The following BAP1 variants were observed in gnomAD, a reference collection of about 807,000 sequenced individuals.
The protein encoded by BAP1 is BRCA1 associated deubiquitinase 1, also known as ubiquitin carboxyl-terminal hydrolase BAP1.
Under a neutral mutation model 77.2 loss-of-function variants are expected in BAP1, and 16 were observed. The ratio of observed to expected loss-of-function variants is 0.21; its 90% confidence interval spans 0.14 to 0.31. The LOEUF (loss-of-function observed/expected upper bound fraction) is 0.31, where lower values mean the gene tolerates loss of function less well. BAP1 is among the 10% of genes least tolerant of loss of function. BAP1 has a pLI of 1.00. For synonymous variants in BAP1, 362 were observed against 385.2 expected, an observed-to-expected ratio of 0.94 and a Z score of 0.71; for missense variants, 699 against 967.3, an observed-to-expected ratio of 0.72 and a Z score of 3.68.
At position 52,406,221 on chromosome 3, in the gene BAP1, C is replaced by T. The variant is rs1705152516; in HGVS notation, c.783+32G>A. 4 of 1,612,060 alleles carry T rather than the reference C, an allele frequency of 2.5e-6. No individual in the cohort carries two copies. The highest frequency in any genetic ancestry group is 3.4e-6 in the Non-Finnish European group (4 of 1,178,784). On this transcript the variant is annotated intron_variant, in intron 9 of 16. Coordinates refer to ENST00000460680, the MANE Select transcript of BAP1 (RefSeq NM_004656.4). The surrounding 1 kb of genome is among the most constrained non-coding windows in gnomAD (Gnocchi z 4.6). ...GAGGAGGAATGCAGGGAGGGTTGGG[C>T]TGGGCAGAGGCCAGGAAGAAAGGGC...
chr3:52,409,528 G>C (rs183732845), intron 3 of BAP1, 26 bp downstream of exon 3: 2 of 1,614,052 alleles, frequency 1.2e-6, no homozygotes, highest in Non-Finnish European at 1.7e-6. Context: ...GGGTGTAAGG[G>C]GCAGCCCTGG....
chr3:52,410,004 C>T lies in BAP1; in HGVS notation c.-126G>A. 1.4e-6 allele frequency: 2 copies of T among 1,390,846 alleles called. No homozygotes were observed. Among genetic ancestry groups the T allele is most frequent in the African/African-American group, 1.4e-5 (1 of 69,972 alleles). 86.2% of individuals were successfully genotyped at this position (1,390,846 alleles called of 1,614,324 possible). A position where few individuals can be genotyped will look rare whatever the true frequency, so the allele number is the denominator to read the frequency against. On this transcript the variant is annotated 5_prime_UTR_variant, in exon 1 of 17. Coordinates refer to ENST00000460680, the MANE Select transcript of BAP1 (RefSeq NM_004656.4). ...ACACAGACAACGGGCCCAGTCGCGT[C>T]ACCCGCCCGCGCCGGCGGCAGACGT...
chr3:52,409,135 C>T (rs1705268105), intron 3 of BAP1, among the ~76,000 whole-genome samples: 1 of 152,246 alleles, frequency 6.6e-6, no homozygotes, highest in Admixed American at 6.5e-5. Context: ...TGGGAAAAGA[C>T]TCTAAGTGTG....
rs1301232245 is a variant in BAP1, at chr3:52,402,746, A to G, written c.1983+33T>C. On this transcript the variant is annotated intron_variant, in intron 15 of 16. Coordinates refer to ENST00000460680, the MANE Select transcript of BAP1 (RefSeq NM_004656.4). The surrounding 1 kb of genome is among the most constrained non-coding windows in gnomAD (Gnocchi z 5.3). ...AGCAGCCACCAGTGGACCTCGGGAG[A>G]GGCCAGATCAGGCAACTGGAGAAAT... 3.7e-6 allele frequency: 6 copies of G among 1,614,162 alleles called. No homozygotes were observed. The highest frequency in any genetic ancestry group is 2.2e-5 in the South Asian group (2 of 91,088).
In BAP1 at chr3:52,401,715, C is replaced by A. The variant is rs144145384; in HGVS notation, c.*573G>T. 5 of 239,478 alleles carry A rather than the reference C, an allele frequency of 2.1e-5. No individual in the cohort carries two copies. Among genetic ancestry groups the A allele is most frequent in the African/African-American group, 1.1e-4 (5 of 45,376 alleles). 14.8% of individuals were successfully genotyped at this position (239,478 alleles called of 1,614,324 possible). On this transcript the variant is annotated 3_prime_UTR_variant, in exon 17 of 17. Transcript: ENST00000460680. ...CAGTGCTGGGTCCCTGAGTTTGGCA[C>A]TCTCCTAAGAGGAATGAAGAGAGAA...
chr3:52,402,560 T>TGA lies in BAP1; in HGVS notation c.2056+41_2056+42insTC, dbSNP rs1704995849. 1 of 1,613,306 alleles carries TGA rather than the reference T, an allele frequency of 6.2e-7. No homozygotes were observed. Among genetic ancestry groups the TGA allele is most frequent in the African/African-American group, 1.3e-5 (1 of 74,892 alleles). On this transcript the variant is annotated intron_variant, in intron 16 of 16. Transcript: ENST00000460680. The surrounding 1 kb of genome is among the most constrained non-coding windows in gnomAD (Gnocchi z 5.3). ...GGAGGGGAGCTGAAGGACACGGCCC[T>TGA]CAGCAGGGCATTCCAGTTAAGACAG...
rs1652700058 is a variant in BAP1, at chr3:52,409,868, C to A, written c.11G>T (p.Gly4Val). MNK[G>V]WLELESDPGL... ...TGGGTCGCTCTCCAGCTCCAGCCAG[C>A]CCTTATTCATCTTCCCGCGGGGCGG... The change falls in exon 1 of 17, where the codon GGC becomes GTC. Residue 4 changes from glycine (G) to valine (V), a missense_variant. This residue lies in a region of BAP1 where 160 missense variants were observed against 322.8 expected (regional missense o/e 0.50). Transcript: ENST00000460680. 6.2e-7 allele frequency: 1 copy of A among 1,609,934 alleles called. No individual in the cohort carries two copies. Among genetic ancestry groups the A allele is most frequent in the African/African-American group, 1.3e-5 (1 of 74,934 alleles).
rs1045367753 is a variant in BAP1, at chr3:52,406,986, G to A, written c.581-79C>T. 2.7e-6 allele frequency: 4 copies of A among 1,507,536 alleles called. No homozygotes were observed. The highest frequency in any genetic ancestry group is 3.6e-6 in the Non-Finnish European group (4 of 1,106,022). The allele number at this position is 1,507,536 out of a possible 1,614,324, so 93.4% of individuals were successfully genotyped here. On this transcript the variant is annotated intron_variant, in intron 7 of 16. Coordinates refer to ENST00000460680, the MANE Select transcript of BAP1 (RefSeq NM_004656.4). This position sits in a 1 kb window ranked among gnomAD's most constrained non-coding sequence, Gnocchi z 4.6. Reference sequence around the variant, plus strand: ...GGCCAGGAGTGGGAAGGAAGACAGAGAAGAGCAGTTGAGCCAGGGAATCAG... The same window carrying A: ...GGCCAGGAGTGGGAAGGAAGACAGAAAAGAGCAGTTGAGCCAGGGAATCAG...
In BAP1 at chr3:52,404,486, T is replaced by A. The variant is rs535695655; in HGVS notation, c.1217A>T (p.Glu406Val). The stretch of plus-strand genomic sequence containing the variant: ...AGAGTTGGTGTTCTGCACGTCATCC[T>A]CCTCGTCATCCTCATAGTCATCCTC... ...DDEDDYEDDE[E>V]DDVQNTNSAL... is the part of the protein sequence containing the mutation. Residue 406 changes from glutamate (E) to valine (V), a missense_variant, in exon 12 of 17, where the codon GAG (glutamate) becomes GTG (valine). Coordinates refer to ENST00000460680, the MANE Select transcript of BAP1 (RefSeq NM_004656.4). 1.5e-5 allele frequency: 25 copies of A among 1,614,224 alleles called. No homozygotes were observed. The East Asian group carries it at 3.1e-4, about 20-fold the overall frequency.
At chr3:52,409,644 G>A (rs1705299124) in intron 2 of BAP1, 36 bp from the exon 3 acceptor site, 3 of 1,614,140 alleles carry the variant, frequency 1.9e-6, no homozygotes, top group Non-Finnish European at 2.5e-6. Context: ...GGGAAGGACA[G>A]CCCCTGATGA....
rs1329653090 is a variant in BAP1, at chr3:52,403,221, C to G, written c.1807G>C (p.Val603Leu). ...QGSSSPVEKE[V>L]VEATDSREKT... ...TCTCTGCTGTCCGTGGCTTCCACGA[C>G]CTCCTTCTCCACTGGGCTGCTGGAC... Residue 603 changes from valine to leucine, a missense_variant, in exon 14 of 17, where the codon GTC (valine) becomes CTC (leucine). By Grantham distance (32) the Val-to-Leu change is conservative. This residue lies in a region of BAP1 where 475 missense variants were observed against 532.4 expected (regional missense o/e 0.89). Transcript: ENST00000460680. This position sits in a 1 kb window ranked among gnomAD's most constrained non-coding sequence, Gnocchi z 4.0. 1 of 1,614,194 alleles carries G rather than the reference C, an allele frequency of 6.2e-7. No homozygotes were observed. Among genetic ancestry groups the G allele is most frequent in the Non-Finnish European group, 8.5e-7 (1 of 1,180,030 alleles).
intron 11 of BAP1, among the ~76,000 whole-genome samples, chr3:52,404,798 T>C (rs1168239373): frequency 6.6e-6 from 1 of 152,066 alleles, no homozygotes; most frequent in Middle Eastern, 3.2e-3. Flanking sequence ...AGAAACAGAG[T>C]GCCCTGAAAC....
intron 11 of BAP1, 24 bp downstream of exon 11, chr3:52,405,086 C>T (rs186001194): frequency 1.2e-6 from 2 of 1,613,662 alleles, no homozygotes; most frequent in South Asian, 2.2e-5. Context: ...AGTAGAGAAT[C>T]CTGCAAGGGT....
rs1705148401 is a variant in BAP1, at chr3:52,406,129, G to A, written c.783+124C>T. 2 of 1,559,224 alleles carry A rather than the reference G, an allele frequency of 1.3e-6. No individual in the cohort carries two copies. The highest frequency in any genetic ancestry group is 1.4e-5 in the African/African-American group (1 of 73,742). ...ACAATGGGGGCAAAGAAAAGATGTG[G>A]TTAGCTGAAGCCCAGATCTACAAGA... On this transcript the variant is annotated intron_variant, in intron 9 of 16. Coordinates refer to ENST00000460680, the MANE Select transcript of BAP1 (RefSeq NM_004656.4). This position sits in a 1 kb window ranked among gnomAD's most constrained non-coding sequence, Gnocchi z 4.6.
At position 52,403,358 on chromosome 3, in the gene BAP1, C is replaced by G; in HGVS notation, c.1729+58G>C. The stretch of plus-strand genomic sequence containing the variant: ...GCAGGACACTTTGTGGTCACTTGGC[C>G]ACTTCCCTCCTCCCTCCTGGGTGCA... On this transcript the variant is annotated intron_variant, in intron 13 of 16. Coordinates refer to ENST00000460680, the MANE Select transcript of BAP1 (RefSeq NM_004656.4). This position sits in a 1 kb window ranked among gnomAD's most constrained non-coding sequence, Gnocchi z 4.0. The G allele has an allele frequency of 3.1e-6, 5 of 1,612,172 alleles. No individual in the cohort carries two copies. The highest frequency in any genetic ancestry group is 4.2e-6 in the Non-Finnish European group (5 of 1,179,448).
rs984358270 is a variant in BAP1, at chr3:52,401,932, T to C, written c.*356A>G. ...CAGGTAGGAACTTATGTCAACATGG[T>C]GGCATGTTGGGTTGGAGCCCAGAAA... On this transcript the variant is annotated 3_prime_UTR_variant, in exon 17 of 17. Coordinates refer to ENST00000460680, the MANE Select transcript of BAP1 (RefSeq NM_004656.4). The C allele has an allele frequency of 9.4e-6, 4 of 423,518 alleles. No individual in the cohort carries two copies. The highest frequency in any genetic ancestry group is 1.7e-5 in the Non-Finnish European group (4 of 230,148). The allele number at this position is 423,518 out of a possible 1,614,324, so 26.2% of individuals were successfully genotyped here.
chr3:52,402,668 C>A lies in BAP1; in HGVS notation c.1990G>T (p.Asp664Tyr). Residue 664 changes from aspartate (D) to tyrosine (Y), a missense_variant, in exon 16 of 17, where the codon GAC (aspartate) becomes TAC (tyrosine). By Grantham distance (160) the Asp-to-Tyr change is radical (BLOSUM62 -3). This residue lies in a region of BAP1 where 64 missense variants were observed against 112.1 expected (regional missense o/e 0.57). Transcript: ENST00000460680. This position sits in a 1 kb window ranked among gnomAD's most constrained non-coding sequence, Gnocchi z 5.3. ...TCGTAGTTGTGGGTCCTTCTCTGGT[C>A]ATCAATCTGTAGGAGAGAAGAAGAC... is the stretch of plus-strand genomic sequence containing the variant. ...VEKRKKFKID[D>Y]QRRTHNYDEF... The A allele has an allele frequency of 1.9e-6, 3 of 1,614,122 alleles. No homozygotes were observed. In the South Asian group the frequency reaches 3.3e-5, roughly 18 times the overall value.
chr3:52,409,955 GC>G lies in BAP1; in HGVS notation c.-78del. On this transcript the variant is annotated 5_prime_UTR_variant, in exon 1 of 17. Coordinates refer to ENST00000460680, the MANE Select transcript of BAP1 (RefSeq NM_004656.4). ...GCTGCCCCCACCGGGAGCCCCCACC[GC>G]CCCCGGGGCCCCTCAGTCCCACACA... 6.5e-7 allele frequency: 1 copy of G among 1,540,666 alleles called. No individual in the cohort carries two copies.
intron 3 of BAP1, among the ~76,000 whole-genome samples, chr3:52,408,934 A>G (rs1026313990): frequency 3.3e-5 from 5 of 152,248 alleles, no homozygotes; most frequent in African/African-American, 1.2e-4. Flanking sequence ...AGGAACACAA[A>G]GTAAGACAAG....
Sources: allele counts gnomAD v4.1 joint callset (sites outside exome capture counted in the v4.1 genomes callset), GRCh38; gene constraint gnomAD v4.1.1; regional missense constraint gnomAD v4.1.1; non-coding constraint Gnocchi (gnomAD v3.1); transcripts MANE v1.5; gene names NCBI Gene and HGNC (gene_info 2026-07-23, HGNC 2026-07-21).